Variants in ATG10 observed in about 807,000 individuals in gnomAD.
The protein encoded by ATG10 is ubiquitin-like-conjugating enzyme ATG10.
In ATG10, 30 loss-of-function variants were observed where a neutral mutation model predicts 32.1. That is an observed-to-expected ratio of 0.94 (90% confidence interval 0.70 to 1.27). The LOEUF is 1.27. ATG10 is among the 50% of genes most tolerant of loss of function. The probability of loss-of-function intolerance (pLI) is 0.00; values close to 1 mark genes in which losing one functional copy is unlikely to be tolerated. For synonymous variants in ATG10, 87 were observed against 91.5 expected (o/e 0.95, Z 0.28); for missense variants, 233 against 262.3 (o/e 0.89, Z 0.77).
intron 2 of ATG10, among the ~76,000 whole-genome samples, chr5:82,016,253 G>T (rs891352436): frequency 1.3e-5 from 2 of 152,096 alleles, no homozygotes; most frequent in African/African-American, 4.8e-5. Flanking sequence ...GTTGATTTTT[G>T]TATAAGGTGA....
intron 5 of ATG10, among the ~76,000 whole-genome samples, chr5:82,178,884 A>G (rs1277993284): frequency 1.3e-5 from 2 of 152,152 alleles, no homozygotes; most frequent in Non-Finnish European, 2.9e-5. Context: ...TCCACTATAC[A>G]GATACTCCTT....
intron 5 of ATG10, among the ~76,000 whole-genome samples, chr5:82,212,534 C>T (rs1745532903): frequency 6.6e-6 from 1 of 152,150 alleles, no homozygotes; most frequent in South Asian, 2.1e-4. Context: ...CTCAAGTTCA[C>T]TAATAAAAAG....
At chr5:82,174,118 G>A (rs1053481256) in intron 4 of ATG10, among the ~76,000 whole-genome samples, 1 of 152,136 alleles carries the variant, frequency 6.6e-6, no homozygotes. Flanking sequence ...TGTATGCCAC[G>A]ATTTTGAAGA....
At chr5:82,172,883 G>C (rs1052348687) in intron 4 of ATG10, among the ~76,000 whole-genome samples, 1 of 152,162 alleles carries the variant, frequency 6.6e-6, no homozygotes, top group Non-Finnish European at 1.5e-5. Flanking sequence ...ATGAATGTAC[G>C]TGAACAATTG....
chr5:82,006,844 G>T (rs950755149), intron 2 of ATG10, among the ~76,000 whole-genome samples: 3 of 151,952 alleles, frequency 2.0e-5, no homozygotes, highest in Non-Finnish European at 2.9e-5. Context: ...GAATCATACA[G>T]TATTTGTATT....
At chr5:82,034,845 A>G (rs1013927468) in intron 2 of ATG10, among the ~76,000 whole-genome samples, 2 of 152,174 alleles carry the variant, frequency 1.3e-5, no homozygotes, top group Non-Finnish European at 2.9e-5. Context: ...CACCCTACGT[A>G]AAATAGCATC....
intron 5 of ATG10, among the ~76,000 whole-genome samples, chr5:82,245,437 G>C (rs1351807105): frequency 1.3e-5 from 2 of 152,026 alleles, no homozygotes; most frequent in African/African-American, 4.8e-5. Flanking sequence ...CAAATTGCTG[G>C]GCTTGCAGAA....
intron 5 of ATG10, among the ~76,000 whole-genome samples, chr5:82,250,479 C>T (rs773298998): frequency 1.2e-4 from 18 of 152,288 alleles, no homozygotes; most frequent in African/African-American, 2.9e-4. Flanking sequence ...TAGATGCCAT[C>T]TTCTCACTGT....
intron 2 of ATG10, among the ~76,000 whole-genome samples, chr5:81,997,503 C>T (rs1034003310): frequency 6.6e-6 from 1 of 152,232 alleles, no homozygotes; most frequent in African/African-American, 2.4e-5. Flanking sequence ...TACCTCCAAA[C>T]AACTGCACTA....
intron 4 of ATG10, among the ~76,000 whole-genome samples, chr5:82,165,128 A>G (rs1007941621): frequency 6.6e-6 from 1 of 152,174 alleles, no homozygotes; most frequent in African/African-American, 2.4e-5. Context: ...AAGCTTATTT[A>G]ATCAGCAGCC....
At chr5:82,182,158 T>C (rs766324638) in intron 5 of ATG10, among the ~76,000 whole-genome samples, 6 of 152,160 alleles carry the variant, frequency 3.9e-5, no homozygotes, top group Non-Finnish European at 5.9e-5. Flanking sequence ...CTTTAAGATA[T>C]GTGTGTTTAT....
chr5:82,032,670 C>G (rs1762776943), intron 2 of ATG10, among the ~76,000 whole-genome samples: 1 of 151,694 alleles, frequency 6.6e-6, no homozygotes, highest in Non-Finnish European at 1.5e-5. Context: ...TCTCAAACTC[C>G]TCCTCAGAGA....
chr5:82,177,780 A>G (rs1744088862), intron 4 of ATG10, among the ~76,000 whole-genome samples: 1 of 152,158 alleles, frequency 6.6e-6, no homozygotes, highest in South Asian at 2.1e-4. Flanking sequence ...ATTATTGTTC[A>G]ATAAAGCTTT....
At chr5:82,105,314 A>G (rs1765412098) in intron 3 of ATG10, among the ~76,000 whole-genome samples, 1 of 152,008 alleles carries the variant, frequency 6.6e-6, no homozygotes, top group Non-Finnish European at 1.5e-5. Flanking sequence ...ATTTTTTTCC[A>G]CACTTCAAAA....
At chr5:82,051,253 G>A (rs1763411179) in intron 2 of ATG10, among the ~76,000 whole-genome samples, 1 of 152,050 alleles carries the variant, frequency 6.6e-6, no homozygotes, top group African/African-American at 2.4e-5. Flanking sequence ...GGGGGTGCTA[G>A]CCTCTATTGG....
At chr5:82,028,695 G>A (rs181067835) in intron 2 of ATG10, among the ~76,000 whole-genome samples, 3 of 152,312 alleles carry the variant, frequency 2.0e-5, no homozygotes, top group Admixed American at 2.0e-4. Context: ...CCGAGGAAAA[G>A]TTTTGTCAAA....
intron 1 of ATG10, among the ~76,000 whole-genome samples, chr5:81,986,146 A>G (rs1476142233): frequency 4.0e-5 from 6 of 151,476 alleles, no homozygotes; most frequent in African/African-American, 1.5e-4. Context: ...CTGACCTCGT[A>G]ATCCGCCCGC....
At chr5:82,120,203 C>A (rs1317918223) in intron 3 of ATG10, among the ~76,000 whole-genome samples, 1 of 152,106 alleles carries the variant, frequency 6.6e-6, no homozygotes, top group Non-Finnish European at 1.5e-5. Flanking sequence ...TCTAATATAA[C>A]CTAATGTTTA....
chr5:82,128,548 G>A (rs1279287552), intron 3 of ATG10, among the ~76,000 whole-genome samples: 3 of 151,638 alleles, frequency 2.0e-5, no homozygotes, highest in Admixed American at 6.6e-5. Context: ...CATTTATGAA[G>A]CTTAGTTTGG....
Sources: allele counts gnomAD v4.1 joint callset (sites outside exome capture counted in the v4.1 genomes callset), GRCh38; gene constraint gnomAD v4.1.1; transcripts MANE v1.5; gene names NCBI Gene and HGNC (gene_info 2026-07-23, HGNC 2026-07-21).